Variants in LBR observed in about 807,000 individuals in gnomAD.
LBR encodes the protein delta(14)-sterol reductase LBR.
In LBR, 28 loss-of-function variants were observed where a neutral mutation model predicts 74.3. The observed-to-expected ratio is 0.38, with a 90% CI of 0.28 to 0.52. The LOEUF (loss-of-function observed/expected upper bound fraction) is 0.52, where lower values mean the gene tolerates loss of function less well. LBR is among the 20% of genes least tolerant of loss of function. The pLI, the probability that LBR is intolerant of heterozygous loss-of-function variation, is 0.89. For missense variants in LBR, 717 were observed against 760.3 expected (o/e 0.94, Z 0.67); for synonymous variants, 228 against 269.3 (o/e 0.85, Z 1.50).
upstream of LBR, chr1:225,428,568 C>A (rs1257459959): frequency 6.6e-6 from 1 of 152,210 alleles, no homozygotes; most frequent in Non-Finnish European, 1.5e-5. Context: ...GCCCCTGGAC[C>A]AAGCAGCGGC....
intron 9 of LBR, among the ~76,000 whole-genome samples, chr1:225,410,878 T>C (rs951643594): frequency 2.6e-5 from 4 of 152,234 alleles, no homozygotes; most frequent in African/African-American, 4.8e-5. Flanking sequence ...GCCTGTGGAC[T>C]TGGTAACCAA....
intron 8 of LBR, among the ~76,000 whole-genome samples, chr1:225,411,808 T>C (rs2096106337): frequency 6.6e-6 from 1 of 152,226 alleles, no homozygotes; most frequent in African/African-American, 2.4e-5. Context: ...GTTTCTCTTG[T>C]TTTTTGTTTG....
chr1:225,426,780 G>A (rs774162805), intron 1 of LBR, among the ~76,000 whole-genome samples: 1 of 152,146 alleles, frequency 6.6e-6, no homozygotes, highest in Non-Finnish European at 1.5e-5. Flanking sequence ...TTTGCTTCAT[G>A]AAGCAACAGA....
chr1:225,418,230 T>C, intron 5 of LBR, 50 bp from the exon 6 acceptor site: 1 of 1,545,764 alleles, frequency 6.5e-7, no homozygotes, highest in Non-Finnish European at 8.9e-7. Flanking sequence ...TCTGGTTTAT[T>C]TATTTAAGAA....
At position 225,410,375 on chromosome 1, in the gene LBR, T is replaced by C. The variant is rs2096102280; in HGVS notation, c.1230A>G (p.Ile410Met). The C allele has an allele frequency of 6.2e-7, 1 of 1,614,062 alleles. No homozygotes were observed. The highest frequency in any genetic ancestry group is 1.1e-5 in the South Asian group (1 of 91,092). ...CCAAGGATGGAACAGCGCGGTCCTG[T>C]ATTTTCATTTCAGCCAAAAGCATCA... ...NLVMLLAEMK[I>M]QDRAVPSLAM... is the part of the protein sequence containing the mutation. The change falls in exon 10 of 14, where the codon ATA becomes ATG. Residue 410 changes from isoleucine (I) to methionine (M), a missense_variant. Transcript: ENST00000272163.
chr1:225,421,597 AAATAC>A (rs1299034957), intron 3 of LBR, among the ~76,000 whole-genome samples: 1 of 152,246 alleles, frequency 6.6e-6, no homozygotes, highest in East Asian at 1.9e-4. Flanking sequence ...CTACTATCTA[AAATAC>A]TATTTGTACA....
At chr1:225,419,200 C>T (rs542678579) in intron 5 of LBR, 63 bp downstream of exon 5, 1 of 1,515,830 alleles carries the variant, frequency 6.6e-7, no homozygotes, top group East Asian at 2.3e-5. Flanking sequence ...TTCCAGTTCA[C>T]CTTGTGGCAA....
chr1:225,415,349 T>A lies in LBR; in HGVS notation c.838-17A>T, dbSNP rs1255938991. ...TTCTACAACCTTAAAAGAAAAAAAA[T>A]TTACAAATTTACTAAGCACATCACC... On this transcript the variant is annotated splice_polypyrimidine_tract_variant and intron_variant, in intron 6 of 13. Coordinates refer to ENST00000272163, the MANE Select transcript of LBR (RefSeq NM_002296.4). 7.2e-7 allele frequency: 1 copy of A among 1,395,726 alleles called. No individual in the cohort carries two copies. Among genetic ancestry groups the A allele is most frequent in the Non-Finnish European group, 1.0e-6 (1 of 988,470 alleles). 86.5% of individuals were successfully genotyped at this position (1,395,726 alleles called of 1,614,324 possible).
rs369961062 is a variant in LBR at position 225,412,575 on chromosome 1, G to A, written c.963C>T (p.Tyr321=). 1.8e-4 allele frequency: 289 copies of A among 1,612,790 alleles called. No individual in the cohort carries two copies. Among genetic ancestry groups the A allele is most frequent in the Non-Finnish European group, 2.1e-4 (250 of 1,179,712 alleles). The change falls in exon 8 of 14, where the codon TAC becomes TAT. Residue 321 remains tyrosine, a synonymous_variant. Coordinates refer to ENST00000272163, the MANE Select transcript of LBR (RefSeq NM_002296.4). Reference sequence around the variant, plus strand: ...CAAACTGAAGAAAATGACTGTACACGTAATGAAACTCTACGCCCTGGAAGA... The same window carrying A: ...CAAACTGAAGAAAATGACTGTACACATAATGAAACTCTACGCCCTGGAAGA... ...TSLFQGVEFH[Y]VYSHFLQFAL... is the part of the protein sequence containing the mutation.
chr1:225,410,094 T>C (rs533003054), intron 10 of LBR, among the ~76,000 whole-genome samples, 197 bp downstream of exon 10: 8 of 152,298 alleles, frequency 5.3e-5, no homozygotes, highest in Admixed American at 1.3e-4. Flanking sequence ...ACTGAAGCAC[T>C]CCCAAATGCC....
intron 2 of LBR, among the ~76,000 whole-genome samples, chr1:225,423,048 C>T (rs533207584): frequency 1.3e-5 from 2 of 152,134 alleles, no homozygotes; most frequent in Non-Finnish European, 2.9e-5. Flanking sequence ...CTAGAGCACT[C>T]GAAGTGTCAT....
chr1:225,407,795 A>G (rs1002086843), intron 10 of LBR, among the ~76,000 whole-genome samples: 1 of 152,218 alleles, frequency 6.6e-6, no homozygotes, highest in Non-Finnish European at 1.5e-5. Flanking sequence ...CAAATAGGCC[A>G]TGGAACAGAA....
intron 2 of LBR, among the ~76,000 whole-genome samples, chr1:225,422,650 G>A (rs1194787250): frequency 3.3e-5 from 5 of 150,520 alleles, no homozygotes; most frequent in Admixed American, 2.6e-4. Flanking sequence ...AAAAAAAACA[G>A]TACCACAGTT....
intron 4 of LBR, 101 bp downstream of exon 4, chr1:225,419,614 T>C (rs1157263441): frequency 2.8e-6 from 3 of 1,075,808 alleles, no homozygotes; most frequent in Admixed American, 4.1e-5. Flanking sequence ...GAACAGGTTA[T>C]AAAATATTAC....
intron 6 of LBR, among the ~76,000 whole-genome samples, chr1:225,416,837 C>A (rs1330703185): frequency 6.6e-6 from 1 of 152,072 alleles, no homozygotes; most frequent in Non-Finnish European, 1.5e-5. Context: ...TATAAGCAAC[C>A]TAAAGGCAAC....
intron 11 of LBR, among the ~76,000 whole-genome samples, chr1:225,406,403 G>A (rs942291977): frequency 1.3e-5 from 2 of 152,092 alleles, no homozygotes; most frequent in African/African-American, 4.8e-5. Context: ...TTACCAAAAC[G>A]AATTAAAACA....
At chr1:225,428,518 A>G (rs1243631709), upstream of LBR, among the ~76,000 whole-genome samples, 1 of 152,178 alleles carries the variant, frequency 6.6e-6, no homozygotes, top group African/African-American at 2.4e-5. Flanking sequence ...TCGGTAAAAC[A>G]CTATGAGTGC....
At chr1:225,414,110 A>T in intron 7 of LBR, 2 of 456,772 alleles carry the variant, frequency 4.4e-6, no homozygotes, top group Non-Finnish European at 8.8e-6. Context: ...AACTTGCTCC[A>T]TCAGCAAAGA....
chr1:225,410,149 G>T, intron 10 of LBR, 142 bp downstream of exon 10: 1 of 1,260,042 alleles, frequency 7.9e-7, no homozygotes, highest in Non-Finnish European at 1.1e-6. Context: ...GCTTCACATG[G>T]ATGGCCTCGT....
Sources: allele counts gnomAD v4.1 joint callset (sites outside exome capture counted in the v4.1 genomes callset), GRCh38; gene constraint gnomAD v4.1.1; transcripts MANE v1.5; gene names NCBI Gene and HGNC (gene_info 2026-07-23, HGNC 2026-07-21).